KCND3: variants seen among roughly 807,000 people sequenced by gnomAD.
The protein encoded by KCND3 is A-type voltage-gated potassium channel KCND3.
In KCND3, 9 loss-of-function variants were observed where a neutral mutation model predicts 51.1. The ratio of observed to expected loss-of-function variants is 0.18; its 90% CI spans 0.11 to 0.31. KCND3 has a LOEUF of 0.31. Ranked by LOEUF, KCND3 falls within the 10% of genes least tolerant of loss-of-function variation. The pLI, the probability that KCND3 is intolerant of heterozygous loss-of-function variation, is 1.00. For synonymous variants in KCND3, 349 were observed against 368.0 expected (o/e 0.95, Z 0.59); for missense variants, 526 against 903.8 (o/e 0.58, Z 5.36).
At chr1:111,946,616 C>A (rs1301611759) in intron 2 of KCND3, among the ~76,000 whole-genome samples, 1 of 152,254 alleles carries the variant, frequency 6.6e-6, no homozygotes, top group Non-Finnish European at 1.5e-5. Context: ...TATTTTCTAA[C>A]CTCATTGGAC....
At chr1:111,974,779 C>G (rs1674536913) in intron 2 of KCND3, among the ~76,000 whole-genome samples, 1 of 152,128 alleles carries the variant, frequency 6.6e-6, no homozygotes, top group Non-Finnish European at 1.5e-5. Context: ...GAGGGAAACC[C>G]AAACAAAACC....
intron 2 of KCND3, among the ~76,000 whole-genome samples, chr1:111,825,323 A>ATCAGC (rs1295037035): frequency 6.6e-6 from 1 of 152,150 alleles, no homozygotes; most frequent in Non-Finnish European, 1.5e-5. Flanking sequence ...ACAATGGCCC[A>ATCAGC]TCAGCTCAGG....
At chr1:111,887,287 A>T (rs1669612902) in intron 2 of KCND3, among the ~76,000 whole-genome samples, 2 of 152,198 alleles carry the variant, frequency 1.3e-5, no homozygotes, top group South Asian at 2.1e-4. Context: ...TCATTTAAGT[A>T]ATCATACCTT....
intron 2 of KCND3, among the ~76,000 whole-genome samples, chr1:111,968,995 T>G (rs1409209023): frequency 1.3e-5 from 2 of 152,186 alleles, no homozygotes; most frequent in African/African-American, 4.8e-5. Flanking sequence ...GTATGCATAT[T>G]TACCCTCTCA....
At chr1:111,918,552 T>C (rs1392490273) in intron 2 of KCND3, among the ~76,000 whole-genome samples, 1 of 151,978 alleles carries the variant, frequency 6.6e-6, no homozygotes, top group Non-Finnish European at 1.5e-5. Flanking sequence ...ATAGCTATAG[T>C]GAGTGCTGGG....
intron 2 of KCND3, among the ~76,000 whole-genome samples, chr1:111,959,207 CATGCTTCCAGAA>C (rs1401914812): frequency 2.0e-5 from 3 of 152,186 alleles, no homozygotes; most frequent in African/African-American, 7.2e-5. Flanking sequence ...CAGCCTGGCC[CATGCTTCCAGAA>C]GTGCTTTCCC....
intron 2 of KCND3, among the ~76,000 whole-genome samples, chr1:111,875,416 C>A (rs529554896): frequency 6.6e-6 from 1 of 152,244 alleles, no homozygotes; most frequent in East Asian, 1.9e-4. Context: ...TCCTTAATTT[C>A]CCTAAATCAA....
chr1:111,780,002 T>C lies in KCND3; in HGVS notation c.1461+223A>G, dbSNP rs1664302271. Among the ~76,000 whole-genome samples the C allele has an allele frequency of 6.6e-6, 1 of 152,174 alleles. No homozygotes were observed. Among genetic ancestry groups the C allele is most frequent in the Non-Finnish European group, 1.5e-5 (1 of 68,020 alleles). ...AGGAGTGTGTGGGAGGCTGGGGGAA[T>C]GGCCTCCTCAATGCTCCTGCAGGAC... On this transcript the variant is annotated intron_variant, in intron 5 of 7. Coordinates refer to ENST00000302127, the MANE Select transcript of KCND3 (RefSeq NM_001378969.1). This position sits in a 1 kb window ranked among gnomAD's most constrained non-coding sequence, Gnocchi z 4.2.
At chr1:111,857,393 G>A (rs1668125189) in intron 2 of KCND3, among the ~76,000 whole-genome samples, 1 of 152,172 alleles carries the variant, frequency 6.6e-6, no homozygotes, top group Non-Finnish European at 1.5e-5. Context: ...GGGACAGGAC[G>A]AAGTGTTCCT....
At chr1:111,804,060 C>T (rs1038259791) in intron 2 of KCND3, among the ~76,000 whole-genome samples, 2 of 152,206 alleles carry the variant, frequency 1.3e-5, no homozygotes, top group Admixed American at 1.3e-4. Context: ...GCCACTAGAC[C>T]GAGCTGCCCA....
At chr1:111,878,439 G>A (rs377702383) in intron 2 of KCND3, among the ~76,000 whole-genome samples, 9 of 152,304 alleles carry the variant, frequency 5.9e-5, no homozygotes, top group African/African-American at 1.4e-4. Flanking sequence ...TGTGGCGCCC[G>A]CCCAAGGCAA....
At chr1:111,813,587 G>A (rs948645855) in intron 2 of KCND3, among the ~76,000 whole-genome samples, 8 of 152,224 alleles carry the variant, frequency 5.3e-5, no homozygotes, top group South Asian at 2.1e-4. Context: ...TCTTAGGCTC[G>A]CCTAGCCACA....
At position 111,780,133 on chromosome 1, in the gene KCND3, T is replaced by C. The variant is rs966846657; in HGVS notation, c.1461+92A>G. On this transcript the variant is annotated intron_variant, in intron 5 of 7. Coordinates refer to ENST00000302127, the MANE Select transcript of KCND3 (RefSeq NM_001378969.1). This position sits in a 1 kb window ranked among gnomAD's most constrained non-coding sequence, Gnocchi z 4.2. ...TTTTGGATCTGAAGGGGACAGACTTTGACTTCTGGCCCAGAGTGAAGATGT... is the reference window on the plus strand; with the variant it reads ...TTTTGGATCTGAAGGGGACAGACTTCGACTTCTGGCCCAGAGTGAAGATGT... 7.7e-7 allele frequency: 1 copy of C among 1,299,702 alleles called. No homozygotes were observed. The highest frequency in any genetic ancestry group is 1.1e-6 in the Non-Finnish European group (1 of 919,308). The allele number at this position is 1,299,702 out of a possible 1,614,324, so 80.5% of individuals were successfully genotyped here.
chr1:111,792,240 G>C (rs1394166576), intron 2 of KCND3, among the ~76,000 whole-genome samples: 1 of 152,256 alleles, frequency 6.6e-6, no homozygotes, highest in Non-Finnish European at 1.5e-5. Context: ...ATCTGCATTA[G>C]TGGGTCTCAC....
intron 2 of KCND3, among the ~76,000 whole-genome samples, chr1:111,826,312 T>A (rs1032684984): frequency 3.3e-5 from 5 of 152,258 alleles, no homozygotes; most frequent in Admixed American, 1.3e-4. Flanking sequence ...TCTTTAGATG[T>A]CTCATTTTTC....
intron 6 of KCND3, 125 bp downstream of exon 6, chr1:111,778,311 A>T (rs1003578677): frequency 1.1e-6 from 1 of 888,066 alleles, no homozygotes; most frequent in African/African-American, 1.6e-5. Flanking sequence ...CAGCAGAGGT[A>T]GGAGGAGCCC....
intron 2 of KCND3, among the ~76,000 whole-genome samples, chr1:111,889,769 G>A (rs774672145): frequency 1.3e-5 from 2 of 152,176 alleles, no homozygotes; most frequent in Non-Finnish European, 2.9e-5. Flanking sequence ...TGGGGTAGGG[G>A]AACAATAAGC....
At chr1:111,875,678 T>A (rs745831459) in intron 2 of KCND3, among the ~76,000 whole-genome samples, 5 of 152,212 alleles carry the variant, frequency 3.3e-5, no homozygotes, top group Non-Finnish European at 5.9e-5. Context: ...TTGTGTTGCC[T>A]CTCTTAGCTT....
intron 2 of KCND3, among the ~76,000 whole-genome samples, chr1:111,948,927 T>C (rs1056574387): frequency 8.6e-5 from 13 of 152,008 alleles, no homozygotes; most frequent in East Asian, 3.9e-4. Context: ...ACACAAACAA[T>C]AGAAGGGCTG....
Sources: gnomAD v4.1 joint callset for allele counts (sites outside exome capture counted in the v4.1 genomes callset) on GRCh38, gnomAD v4.1.1 for gene constraint, Gnocchi (gnomAD v3.1) non-coding constraint, MANE v1.5 for transcripts, NCBI Gene and HGNC (gene_info 2026-07-23, HGNC 2026-07-21) for gene names.